The following SMAP1 variants were observed in gnomAD, a reference collection of about 807,000 sequenced individuals.
SMAP1 encodes the protein small ArfGAP 1.
A neutral mutation model predicts 58.5 loss-of-function variants in SMAP1; 24 were observed. That is an observed-to-expected ratio of 0.41 (90% CI 0.30 to 0.58). SMAP1 has a LOEUF of 0.58. Among genes scored for constraint, SMAP1 ranks in the 20% least tolerant of loss-of-function variants. The pLI is 0.29. For missense variants in SMAP1, 563 were observed against 566.3 expected, an observed-to-expected ratio of 0.99 and a Z score of 0.06; for synonymous variants, 216 against 196.6, an observed-to-expected ratio of 1.10 and a Z score of -0.82.
chr6:70,843,154 TCC>T (rs374794193), intron 7 of SMAP1, among the ~76,000 whole-genome samples: 5 of 125,942 alleles, frequency 4.0e-5, no homozygotes, highest in African/African-American at 2.9e-5. Context: ...CCACACACAC[TCC>T]CCCCCCCCTT....
At chr6:70,681,745 T>C (rs998597129) in intron 1 of SMAP1, among the ~76,000 whole-genome samples, 1 of 152,126 alleles carries the variant, frequency 6.6e-6, no homozygotes, top group Non-Finnish European at 1.5e-5. Flanking sequence ...TGGAAAACAG[T>C]GGTTTAATGT....
At chr6:70,771,738 C>T (rs1767325694) in intron 3 of SMAP1, among the ~76,000 whole-genome samples, 1 of 152,170 alleles carries the variant, frequency 6.6e-6, no homozygotes, top group South Asian at 2.1e-4. Flanking sequence ...CTTCCGCTCG[C>T]CCACGGTGTG....
chr6:70,729,620 G>A (rs1181793520), intron 1 of SMAP1, among the ~76,000 whole-genome samples: 2 of 151,942 alleles, frequency 1.3e-5, no homozygotes, highest in Admixed American at 1.3e-4. Context: ...CTGACTCCAC[G>A]AGGACCCTCA....
At chr6:70,829,006 A>C (rs1770252832) in intron 6 of SMAP1, among the ~76,000 whole-genome samples, 1 of 152,190 alleles carries the variant, frequency 6.6e-6, no homozygotes. Flanking sequence ...CGATCTTGCC[A>C]CTGCACTCTA....
At chr6:70,696,859 C>T (rs577416572) in intron 1 of SMAP1, among the ~76,000 whole-genome samples, 1 of 152,110 alleles carries the variant, frequency 6.6e-6, no homozygotes, top group East Asian at 1.9e-4. Context: ...CAGCTATTAA[C>T]TTGGGGTATA....
intron 4 of SMAP1, among the ~76,000 whole-genome samples, chr6:70,786,777 A>G (rs1018188120): frequency 3.3e-5 from 5 of 152,220 alleles, no homozygotes; most frequent in Non-Finnish European, 1.5e-5. Context: ...AAGGAGAACT[A>G]CAAACCACTG....
At chr6:70,777,579 G>C (rs1216417818) in intron 4 of SMAP1, among the ~76,000 whole-genome samples, 1 of 151,936 alleles carries the variant, frequency 6.6e-6, no homozygotes, top group Non-Finnish European at 1.5e-5. Flanking sequence ...TCTGTTAATT[G>C]TCTCCTTTGC....
intron 3 of SMAP1, among the ~76,000 whole-genome samples, chr6:70,756,323 T>A (rs941655574): frequency 2.0e-5 from 3 of 152,062 alleles, no homozygotes; most frequent in Non-Finnish European, 4.4e-5. Context: ...GAGATATAGG[T>A]CATTATATGT....
At chr6:70,796,026 G>A (rs1177469852) in intron 5 of SMAP1, among the ~76,000 whole-genome samples, 2 of 152,132 alleles carry the variant, frequency 1.3e-5, no homozygotes, top group African/African-American at 2.4e-5. Context: ...ACCATGCCCG[G>A]CCTCCTTCTC....
At chr6:70,741,465 A>G (rs1765812103) in intron 2 of SMAP1, among the ~76,000 whole-genome samples, 1 of 152,204 alleles carries the variant, frequency 6.6e-6, no homozygotes, top group Non-Finnish European at 1.5e-5. Flanking sequence ...TGCAGGCCAC[A>G]CTGATGCAAG....
intron 7 of SMAP1, chr6:70,837,681 TACATTTTTTTCTTC>T: frequency 1.1e-5 from 7 of 636,454 alleles, no homozygotes; most frequent in Non-Finnish European, 1.2e-5. Flanking sequence ...TTTTTTTTTT[TACATTTTTTTCTTC>T]TAAAAGAATT....
intron 5 of SMAP1, among the ~76,000 whole-genome samples, chr6:70,794,877 C>T (rs531312658): frequency 2.1e-3 from 315 of 150,910 alleles, no homozygotes; most frequent in Non-Finnish European, 3.7e-3. Flanking sequence ...CAAGCTCTGC[C>T]TCCCGGGTTC....
Position 70,708,691 on chromosome 6 carries a change from C to T in SMAP1, c.119-23687C>T, listed in dbSNP as rs142142923. 1.2e-3 allele frequency among the ~76,000 whole-genome samples: 187 copies of T among 152,130 alleles called. 1 individual carries two copies. Among genetic ancestry groups the T allele is most frequent in the South Asian group, 4.2e-3 (20 of 4,818 alleles). ...GTGAAGTGATATTACACAGTGGTTT[C>T]GATTTGCATTTATCTGATGACTAAT... is the stretch of plus-strand genomic sequence containing the variant. On this transcript the variant is annotated intron_variant, in intron 1 of 10. Transcript: ENST00000370455.
chr6:70,687,672 A>G (rs957470521), intron 1 of SMAP1, among the ~76,000 whole-genome samples: 1 of 152,202 alleles, frequency 6.6e-6, no homozygotes, highest in Non-Finnish European at 1.5e-5. Context: ...GGATGATTAA[A>G]AAAATACATA....
At chr6:70,680,493 G>C (rs1043838388) in intron 1 of SMAP1, among the ~76,000 whole-genome samples, 1 of 152,078 alleles carries the variant, frequency 6.6e-6, no homozygotes, top group Non-Finnish European at 1.5e-5. Context: ...GCACTTGAAT[G>C]TTCATAGCAG....
At chr6:70,668,606 G>A (rs1161917041) in intron 1 of SMAP1, 2 of 1,535,734 alleles carry the variant, frequency 1.3e-6, no homozygotes, top group African/African-American at 2.7e-5. Context: ...TCCCACTCCG[G>A]GCTCGGATTC....
chr6:70,676,085 A>G (rs908816749), intron 1 of SMAP1, among the ~76,000 whole-genome samples: 18 of 152,268 alleles, frequency 1.2e-4, no homozygotes, highest in Admixed American at 3.3e-4. Context: ...AAGTGTGTTC[A>G]TTGCAACTCA....
At chr6:70,816,178 A>C (rs778019691) in intron 6 of SMAP1, among the ~76,000 whole-genome samples, 1 of 152,178 alleles carries the variant, frequency 6.6e-6, no homozygotes, top group African/African-American at 2.4e-5. Context: ...ACAGGCAGAG[A>C]GAAGAAGAAC....
At chr6:70,760,624 A>G (rs558313827) in intron 3 of SMAP1, among the ~76,000 whole-genome samples, 2 of 152,178 alleles carry the variant, frequency 1.3e-5, no homozygotes, top group Admixed American at 6.6e-5. Context: ...CCCTCCCTCC[A>G]GTCTTTCCTT....
Sources: allele counts gnomAD v4.1 joint callset (sites outside exome capture counted in the v4.1 genomes callset), GRCh38; gene constraint gnomAD v4.1.1; transcripts MANE v1.5; gene names NCBI Gene and HGNC (gene_info 2026-07-23, HGNC 2026-07-21).